Variants in MS4A5 observed in about 807,000 individuals in gnomAD.
The protein encoded by MS4A5 is membrane-spanning 4-domains subfamily A member 5.
A neutral mutation model predicts 18.2 loss-of-function variants in MS4A5; 15 were observed. The ratio of observed to expected loss-of-function variants is 0.83; its 90% CI spans 0.55 to 1.27. The LOEUF (loss-of-function observed/expected upper bound fraction) is 1.27. Among genes scored for constraint, MS4A5 ranks in the 50% most tolerant of loss-of-function variants. The pLI, the probability that MS4A5 is intolerant of heterozygous loss-of-function variation, is 0.00. For missense variants in MS4A5, 232 were observed against 225.7 expected (o/e 1.03, Z -0.18); for synonymous variants, 89 against 78.7 (o/e 1.13, Z -0.69).
chr11:60,430,283 T>C (rs2086041282), intron 1 of MS4A5, among the ~76,000 whole-genome samples: 1 of 150,516 alleles, frequency 6.6e-6, no homozygotes, highest in Non-Finnish European at 1.5e-5. Flanking sequence ...CCCGAAGAGA[T>C]GGAGAGTCCT....
In MS4A5 at chr11:60,447,480, T is replaced by C. The variant is rs1296419664; in HGVS notation, c.493-169T>C. ...CTATGCTATCCTATGCTTAAATAGA[T>C]GCATACTCTGAAAATCCTTCACTGA... On this transcript the variant is annotated intron_variant, in intron 4 of 4. Transcript: ENST00000300190. 2.0e-5 allele frequency among the ~76,000 whole-genome samples: 3 copies of C among 147,270 alleles called. No individual in the cohort carries two copies. In the Admixed American group the frequency reaches 2.0e-4, roughly 10 times the overall value.
intron 4 of MS4A5, among the ~76,000 whole-genome samples, chr11:60,438,210 G>A (rs1565187931): frequency 6.6e-6 from 1 of 152,146 alleles, no homozygotes; most frequent in African/African-American, 2.4e-5. Context: ...AAATAAAGAT[G>A]TTCTTTGAAA....
chr11:60,442,440 T>C (rs1223413620), intron 4 of MS4A5, among the ~76,000 whole-genome samples: 6 of 152,066 alleles, frequency 3.9e-5, no homozygotes, highest in Non-Finnish European at 8.8e-5. Context: ...AGTTGAACAA[T>C]GAGAAGACAT....
intron 3 of MS4A5, among the ~76,000 whole-genome samples, chr11:60,432,769 C>CAA (rs71036582): frequency 0.29 from 39,457 of 137,904 alleles, 5,655 homozygotes; most frequent in South Asian, 0.32. Context: ...GACTCCATCT[C>CAA]AAAAAAAAAA....
At position 60,444,631 on chromosome 11, in the gene MS4A5, A is replaced by G. The variant is rs1418975948; in HGVS notation, c.493-3018A>G. ...GAGCAAGCAGTTCACAAAGAAAGAT[A>G]GATAAATGGCTAGTGAGCATATGAG... On this transcript the variant is annotated intron_variant, in intron 4 of 4. Transcript: ENST00000300190. Among the ~76,000 whole-genome samples, 7 of 152,360 alleles carry G rather than the reference A, an allele frequency of 4.6e-5. No homozygotes were observed. The South Asian group carries it at 1.2e-3, about 27-fold the overall frequency.
At chr11:60,431,794 G>C (rs569083987) in intron 2 of MS4A5, among the ~76,000 whole-genome samples, 2 of 152,320 alleles carry the variant, frequency 1.3e-5, no homozygotes, top group Admixed American at 1.3e-4. Flanking sequence ...AGGTATGGGA[G>C]AGCATTTTCT....
chr11:60,446,408 C>A (rs1389043366), intron 4 of MS4A5, among the ~76,000 whole-genome samples: 12 of 152,124 alleles, frequency 7.9e-5, no homozygotes, highest in Non-Finnish European at 1.8e-4. Flanking sequence ...TGCCAAAATA[C>A]AAAATATTTT....
intron 4 of MS4A5, among the ~76,000 whole-genome samples, chr11:60,442,779 C>A (rs898013195): frequency 1.1e-4 from 17 of 152,186 alleles, no homozygotes; most frequent in Non-Finnish European, 2.5e-4. Flanking sequence ...AGAATTACAT[C>A]TTTAAAGTGC....
At chr11:60,430,258 GAA>G (rs56029330) in intron 1 of MS4A5, among the ~76,000 whole-genome samples, 6 of 148,462 alleles carry the variant, frequency 4.0e-5, no homozygotes, top group East Asian at 2.0e-4. Context: ...GAGAGGGAGA[GAA>G]AAAAAAAAAA....
At chr11:60,445,549 C>T (rs747214220) in intron 4 of MS4A5, among the ~76,000 whole-genome samples, 3 of 151,958 alleles carry the variant, frequency 2.0e-5, no homozygotes, top group Non-Finnish European at 2.9e-5. Context: ...CATGAGCTGG[C>T]GCAACCAGCC....
intron 4 of MS4A5, among the ~76,000 whole-genome samples, chr11:60,438,416 C>T (rs2086092471): frequency 6.6e-6 from 1 of 151,882 alleles, no homozygotes; most frequent in African/African-American, 2.4e-5. Context: ...CAAGAAATAA[C>T]TAAAATCAGA....
At chr11:60,439,971 A>T (rs2086101481) in intron 4 of MS4A5, among the ~76,000 whole-genome samples, 1 of 146,436 alleles carries the variant, frequency 6.8e-6, no homozygotes, top group Non-Finnish European at 1.5e-5. Flanking sequence ...TCGCCAAGTC[A>T]ATCCGAAGCC....
chr11:60,429,854 T>G (rs764091041), intron 1 of MS4A5, 27 bp downstream of exon 1: 8 of 1,600,884 alleles, frequency 5.0e-6, no homozygotes, highest in Non-Finnish European at 6.8e-6. Flanking sequence ...CCTATGTATA[T>G]TTTACTGAGG....
chr11:60,446,843 C>G (rs2086141026), intron 4 of MS4A5, among the ~76,000 whole-genome samples: 1 of 150,150 alleles, frequency 6.7e-6, no homozygotes, highest in South Asian at 2.1e-4. Context: ...TTTCTTTTTT[C>G]CCTCTTTTTC....
At chr11:60,430,194 C>T (rs1379964650) in intron 1 of MS4A5, among the ~76,000 whole-genome samples, 1 of 152,112 alleles carries the variant, frequency 6.6e-6, no homozygotes, top group Non-Finnish European at 1.5e-5. Flanking sequence ...TTAGTCTTTC[C>T]CAGCACTTGT....
intron 4 of MS4A5, among the ~76,000 whole-genome samples, chr11:60,443,198 T>C (rs185608347): frequency 3.1e-4 from 47 of 152,142 alleles, no homozygotes; most frequent in African/African-American, 8.2e-4. Flanking sequence ...ACTGAAAAAA[T>C]TGACAGATTT....
intron 4 of MS4A5, among the ~76,000 whole-genome samples, chr11:60,436,015 C>A (rs1349618727): frequency 1.3e-5 from 2 of 152,294 alleles, no homozygotes; most frequent in Admixed American, 1.3e-4. Flanking sequence ...GTAACCTCTG[C>A]AGACTTAAAT....
rs534574544 is a variant in MS4A5 at position 60,444,222 on chromosome 11, C to A, written c.493-3427C>A. Among the ~76,000 whole-genome samples the A allele has an allele frequency of 3.9e-5, 6 of 152,202 alleles. No homozygotes were observed. The South Asian group carries it at 1.0e-3, about 26-fold the overall frequency. Reference sequence around the variant, plus strand: ...GAAGAAATCTGAAATAAAATATTAACAAAATCAAATTCAGCATAATATATG... The same window carrying A: ...GAAGAAATCTGAAATAAAATATTAAAAAAATCAAATTCAGCATAATATATG... On this transcript the variant is annotated intron_variant, in intron 4 of 4. Coordinates refer to ENST00000300190, the MANE Select transcript of MS4A5 (RefSeq NM_023945.3).
intron 4 of MS4A5, among the ~76,000 whole-genome samples, chr11:60,446,735 A>T (rs1053142641): frequency 6.8e-6 from 1 of 147,832 alleles, no homozygotes; most frequent in African/African-American, 2.5e-5. Context: ...CTCCGTCTCA[A>T]AAAAAAAAAA....
Sources: allele counts gnomAD v4.1 joint callset (sites outside exome capture counted in the v4.1 genomes callset), GRCh38; gene constraint gnomAD v4.1.1; transcripts MANE v1.5; gene names NCBI Gene and HGNC (gene_info 2026-07-23, HGNC 2026-07-21).